The following NRG3 variants were observed in gnomAD, a reference collection of about 807,000 sequenced individuals.
The protein encoded by NRG3 is neuregulin 3, also known as pro-neuregulin-3, membrane-bound isoform.
NRG3 carries 31 observed loss-of-function variants against 66.9 expected under a neutral mutation model. That is an observed-to-expected ratio of 0.46 (90% CI 0.35 to 0.63). NRG3 has a LOEUF of 0.63. Among genes scored for constraint, NRG3 ranks in the 20% least tolerant of loss-of-function variants. NRG3 has a pLI of 0.00. For synonymous variants in NRG3, 393 were observed against 359.4 expected (o/e 1.09, Z -1.06); for missense variants, 910 against 878.9 (o/e 1.04, Z -0.45).
At chr10:82,799,713 T>G (rs911638069) in intron 3 of NRG3, 1 of 152,074 alleles carries the variant, frequency 6.6e-6, no homozygotes, top group Non-Finnish European at 1.5e-5. Context: ...TCTCTAGGGT[T>G]CCTTCTAATT....
At position 82,115,333 on chromosome 10, in the gene NRG3, T is replaced by C. The variant is rs868547732; in HGVS notation, c.823+239170T>C. On this transcript the variant is annotated intron_variant, in intron 1 of 8. Coordinates refer to ENST00000372141, the MANE Select transcript of NRG3 (RefSeq NM_001010848.4). ...AGTATAACCACAGCTTTTCAATCAT[T>C]TGACATTTTGGTCATAGAGCAGAAC... Among the ~76,000 whole-genome samples, 9 of 152,258 alleles carry C rather than the reference T, an allele frequency of 5.9e-5. 1 individual carries two copies. In the South Asian group the frequency reaches 1.5e-3, roughly 25 times the overall value.
Position 81,876,069 on chromosome 10 carries a change from C to T in NRG3, c.729C>T (p.Thr243=), listed in dbSNP as rs771413508. The T allele has an allele frequency of 6.2e-7, 1 of 1,613,932 alleles. No individual in the cohort carries two copies. The change falls in exon 1 of 9, where the codon ACC becomes ACT. Residue 243 remains threonine (T), a synonymous_variant. Transcript: ENST00000372141. ...TTCACGATTCTACTCCCTCCTGGAC[C>T]CTGTCTCCCTTTCAGGATGCTGCCT... is the stretch of plus-strand genomic sequence containing the variant. ...SYLHDSTPSW[T]LSPFQDAASS...
intron 1 of NRG3, among the ~76,000 whole-genome samples, chr10:81,993,606 C>A (rs1218850513): frequency 6.6e-6 from 1 of 152,084 alleles, no homozygotes; most frequent in East Asian, 1.9e-4. Flanking sequence ...CATGTCCTCA[C>A]AAAGAGGTGG....
At chr10:82,206,324 A>C (rs1487406005) in intron 1 of NRG3, among the ~76,000 whole-genome samples, 1 of 152,148 alleles carries the variant, frequency 6.6e-6, no homozygotes, top group African/African-American at 2.4e-5. Flanking sequence ...TTACTAAACA[A>C]ATGACCGTTC....
intron 2 of NRG3, among the ~76,000 whole-genome samples, chr10:82,701,408 C>T (rs1041758168): frequency 1.3e-5 from 2 of 152,166 alleles, no homozygotes; most frequent in African/African-American, 4.8e-5. Context: ...ATCAGAATTA[C>T]ATGGTTGTTC....
At chr10:82,813,974 C>T (rs944257557) in intron 3 of NRG3, among the ~76,000 whole-genome samples, 1 of 152,220 alleles carries the variant, frequency 6.6e-6, no homozygotes, top group African/African-American at 2.4e-5. Flanking sequence ...CATAGAGCAT[C>T]AGGGCTGCTA....
chr10:82,742,087 T>C (rs2058449823), intron 3 of NRG3, among the ~76,000 whole-genome samples: 1 of 152,094 alleles, frequency 6.6e-6, no homozygotes, highest in Non-Finnish European at 1.5e-5. Context: ...GTCTCCTCTC[T>C]TCTCTCCATT....
At chr10:82,210,958 T>C (rs2075366090) in intron 1 of NRG3, among the ~76,000 whole-genome samples, 1 of 150,520 alleles carries the variant, frequency 6.6e-6, no homozygotes, top group Non-Finnish European at 1.5e-5. Context: ...CTTGGTATAG[T>C]GTAAGAGATC....
At chr10:82,278,855 G>A (rs932847038) in intron 1 of NRG3, among the ~76,000 whole-genome samples, 1 of 151,942 alleles carries the variant, frequency 6.6e-6, no homozygotes, top group Non-Finnish European at 1.5e-5. Flanking sequence ...TTTCCTCTTC[G>A]CCTTGACAAC....
chr10:82,023,004 G>C (rs1301136855), intron 1 of NRG3, among the ~76,000 whole-genome samples: 1 of 151,264 alleles, frequency 6.6e-6, no homozygotes, highest in African/African-American at 2.4e-5. Flanking sequence ...AGGGTAATTA[G>C]GATATTCATC....
chr10:82,518,319 C>T (rs913062665), intron 2 of NRG3, among the ~76,000 whole-genome samples: 1 of 152,102 alleles, frequency 6.6e-6, no homozygotes, highest in Admixed American at 6.6e-5. Context: ...ACATCCTTTG[C>T]CTAATGAATC....
intron 2 of NRG3, among the ~76,000 whole-genome samples, chr10:82,389,561 G>T (rs769794804): frequency 6.6e-6 from 1 of 151,968 alleles, no homozygotes; most frequent in Non-Finnish European, 1.5e-5. Flanking sequence ...TTAACAGGAA[G>T]AAAAAAATAC....
At chr10:82,408,623 C>CAT (rs201582777) in intron 2 of NRG3, among the ~76,000 whole-genome samples, 7 of 117,940 alleles carry the variant, frequency 5.9e-5, no homozygotes, top group Non-Finnish European at 8.1e-5. Flanking sequence ...CTATACATTT[C>CAT]ATATATATAT....
In NRG3 at chr10:82,515,987, A is replaced by G. The variant is rs544907379; in HGVS notation, c.953+157119A>G. Among the ~76,000 whole-genome samples the G allele has an allele frequency of 3.9e-5, 6 of 152,310 alleles. No individual in the cohort carries two copies. In the East Asian group the frequency reaches 1.2e-3, roughly 29 times the overall value. Reference sequence around the variant, plus strand: ...AACATCCAAGACAGTTTGTACCAGGATAACCCCAATAGTTGTTAAAATATT... The same window carrying G: ...AACATCCAAGACAGTTTGTACCAGGGTAACCCCAATAGTTGTTAAAATATT... On this transcript the variant is annotated intron_variant, in intron 2 of 8. Transcript: ENST00000372141.
chr10:82,222,500 C>G (rs1393261856), intron 1 of NRG3, among the ~76,000 whole-genome samples: 1 of 152,094 alleles, frequency 6.6e-6, no homozygotes, highest in Non-Finnish European at 1.5e-5. Context: ...TGATTAGACC[C>G]CTGGGTTTCT....
chr10:82,478,970 G>A lies in NRG3; in HGVS notation c.953+120102G>A, dbSNP rs1299081667. Among the ~76,000 whole-genome samples, 5 of 152,108 alleles carry A rather than the reference G, an allele frequency of 3.3e-5. No individual in the cohort carries two copies. The South Asian group carries it at 1.0e-3, about 31-fold the overall frequency. On this transcript the variant is annotated intron_variant, in intron 2 of 8. Transcript: ENST00000372141. ...TTACCTTGCCTATTTTGAAAGCACA[G>A]TACAGTTTTCTTATGTTTCTCTTTT...
chr10:82,545,378 T>A (rs2043823618), intron 2 of NRG3, among the ~76,000 whole-genome samples: 1 of 89,670 alleles, frequency 1.1e-5, no homozygotes, highest in African/African-American at 8.0e-5. Context: ...GCTAATAGCA[T>A]TTTTTTTTTT....
chr10:82,260,384 C>T (rs144777038), intron 1 of NRG3, among the ~76,000 whole-genome samples: 1 of 152,146 alleles, frequency 6.6e-6, no homozygotes, highest in Non-Finnish European at 1.5e-5. Context: ...GGAAGGGATT[C>T]TTAGAAGTGA....
intron 2 of NRG3, among the ~76,000 whole-genome samples, chr10:82,612,993 A>C (rs2048403619): frequency 6.6e-6 from 1 of 152,200 alleles, no homozygotes; most frequent in Non-Finnish European, 1.5e-5. Context: ...CTAGGTCCTC[A>C]GAATTTTTAT....
Sources: gnomAD v4.1 joint callset for allele counts (sites outside exome capture counted in the v4.1 genomes callset) on GRCh38, gnomAD v4.1.1 for gene constraint, MANE v1.5 for transcripts, NCBI Gene and HGNC (gene_info 2026-07-23, HGNC 2026-07-21) for gene names.